ZNF804B: variants seen among roughly 807,000 people sequenced by gnomAD.
ZNF804B encodes zinc finger protein 804B, also known as zinc finger 804B.
Under a neutral mutation model 101.4 loss-of-function variants are expected in ZNF804B, and 80 were observed. The observed-to-expected ratio is 0.79, with a 90% CI of 0.66 to 0.95. The LOEUF (loss-of-function observed/expected upper bound fraction) is 0.95, where lower values mean the gene tolerates loss of function less well. Ranked by LOEUF, ZNF804B falls within the 40% of genes least tolerant of loss-of-function variation. The pLI, the probability that ZNF804B is intolerant of heterozygous loss-of-function variation, is 0.00. For synonymous variants in ZNF804B, 622 were observed against 558.8 expected, an observed-to-expected ratio of 1.11 and a Z score of -1.59; for missense variants, 1,673 against 1,561.9, an observed-to-expected ratio of 1.07 and a Z score of -1.20.
chr7:89,268,340 C>A (rs1157375294), intron 2 of ZNF804B, among the ~76,000 whole-genome samples: 1 of 152,034 alleles, frequency 6.6e-6, no homozygotes, highest in African/African-American at 2.4e-5. Flanking sequence ...TTTAAAACAT[C>A]TAGGGAAGTC....
At position 89,333,526 on chromosome 7, in the gene ZNF804B, C is replaced by A. The variant is rs781202005; in HGVS notation, c.544C>A (p.Arg182=). ...NLPRIISDKQ[R]STMPNRHQLQ... The stretch of plus-strand genomic sequence containing the variant: ...CCCCAGAATCATATCCGATAAACAG[C>A]GGTCCACCATGCCAAATCGACACCA... Residue 182 remains arginine, a synonymous_variant, in exon 4 of 4, where the codon CGG becomes AGG. Coordinates refer to ENST00000333190, the MANE Select transcript of ZNF804B (RefSeq NM_181646.5). The A allele has an allele frequency of 6.2e-7, 1 of 1,613,402 alleles. No homozygotes were observed. Among genetic ancestry groups the A allele is most frequent in the Non-Finnish European group, 8.5e-7 (1 of 1,179,608 alleles).
chr7:89,104,491 T>G (rs909577226), intron 1 of ZNF804B, among the ~76,000 whole-genome samples: 1 of 151,994 alleles, frequency 6.6e-6, no homozygotes, highest in Non-Finnish European at 1.5e-5. Context: ...TTCCAGAAAT[T>G]TATCCATTTT....
At chr7:88,894,935 C>G (rs533797093) in intron 1 of ZNF804B, among the ~76,000 whole-genome samples, 1 of 152,096 alleles carries the variant, frequency 6.6e-6, no homozygotes, top group African/African-American at 2.4e-5. Context: ...TGACCCTATG[C>G]ATTTTTAAAA....
At chr7:88,794,152 G>C in intron 1 of ZNF804B, 1 of 1,551,208 alleles carries the variant, frequency 6.4e-7, no homozygotes, top group African/African-American at 1.4e-5. Flanking sequence ...AACTCCTTAA[G>C]AGACATGGGC....
intron 1 of ZNF804B, among the ~76,000 whole-genome samples, chr7:88,767,222 C>T (rs913702814): frequency 6.6e-6 from 1 of 152,178 alleles, no homozygotes; most frequent in African/African-American, 2.4e-5. Flanking sequence ...AAGTTTCTCC[C>T]CTGTTCACCA....
At chr7:88,897,049 G>A (rs539415650) in intron 1 of ZNF804B, among the ~76,000 whole-genome samples, 1 of 152,156 alleles carries the variant, frequency 6.6e-6, no homozygotes, top group Non-Finnish European at 1.5e-5. Flanking sequence ...CTTATTGCCT[G>A]TTGTTGATAT....
chr7:88,793,078 G>A, intron 1 of ZNF804B, among the ~76,000 whole-genome samples: 1 of 151,450 alleles, frequency 6.6e-6, no homozygotes, highest in South Asian at 2.1e-4. Context: ...AAACTATAAT[G>A]ATAAGTATTT....
At chr7:88,825,031 A>T (rs1449602409) in intron 1 of ZNF804B, among the ~76,000 whole-genome samples, 2 of 152,180 alleles carry the variant, frequency 1.3e-5, no homozygotes, top group East Asian at 3.9e-4. Context: ...AACAAAGTCA[A>T]TGACATATTA....
chr7:89,222,002 G>A (rs1003877141), intron 2 of ZNF804B, among the ~76,000 whole-genome samples: 10 of 151,860 alleles, frequency 6.6e-5, no homozygotes, highest in Admixed American at 3.3e-4. Flanking sequence ...AATTTTATAC[G>A]TAGGACACTT....
intron 1 of ZNF804B, among the ~76,000 whole-genome samples, chr7:88,943,695 C>T (rs1204794792): frequency 1.3e-5 from 2 of 151,840 alleles, no homozygotes; most frequent in East Asian, 3.9e-4. Flanking sequence ...AGATATGCAA[C>T]ATTCTCATTA....
intron 1 of ZNF804B, among the ~76,000 whole-genome samples, chr7:88,810,576 C>A (rs1790769759): frequency 6.6e-6 from 1 of 151,630 alleles, no homozygotes; most frequent in East Asian, 1.9e-4. Context: ...GTGGAAGGAT[C>A]ACCTGAGTCC....
At chr7:89,205,608 G>C (rs1391881686) in intron 1 of ZNF804B, among the ~76,000 whole-genome samples, 1 of 152,188 alleles carries the variant, frequency 6.6e-6, no homozygotes, top group African/African-American at 2.4e-5. Context: ...TTGACCTCAT[G>C]TCTCACATCC....
chr7:89,220,704 G>T (rs942125103), intron 2 of ZNF804B, among the ~76,000 whole-genome samples: 6 of 151,870 alleles, frequency 4.0e-5, no homozygotes, highest in African/African-American at 1.4e-4. Flanking sequence ...ACCAGTTAGT[G>T]CTCTTGTTAC....
intron 1 of ZNF804B, among the ~76,000 whole-genome samples, chr7:89,076,869 G>A (rs542120008): frequency 6.6e-6 from 1 of 152,216 alleles, no homozygotes; most frequent in Admixed American, 6.5e-5. Flanking sequence ...GGAATAGGAG[G>A]GATTTACAAT....
chr7:89,165,588 T>C (rs2116425897), intron 1 of ZNF804B, among the ~76,000 whole-genome samples: 1 of 152,162 alleles, frequency 6.6e-6, no homozygotes, highest in African/African-American at 2.4e-5. Context: ...GGAAGACATA[T>C]GTGCAAACCC....
rs187920178 is a variant in ZNF804B at position 88,826,466 on chromosome 7, G to A, written c.108+66382G>A. Reference sequence around the variant, plus strand: ...GCTTCTCATTTATTGTATACAGTGAGAACAACTATTTTAGTGGCTAGGCAC... The same window carrying A: ...GCTTCTCATTTATTGTATACAGTGAAAACAACTATTTTAGTGGCTAGGCAC... On this transcript the variant is annotated intron_variant, in intron 1 of 3. Transcript: ENST00000333190. Among the ~76,000 whole-genome samples the A allele has an allele frequency of 2.0e-5, 3 of 152,182 alleles. No individual in the cohort carries two copies. The East Asian group carries it at 5.8e-4, about 30-fold the overall frequency.
At position 88,862,065 on chromosome 7, in the gene ZNF804B, C is replaced by A. The variant is rs35352306; in HGVS notation, c.108+101981C>A. 5.2e-3 allele frequency among the ~76,000 whole-genome samples: 786 copies of A among 152,250 alleles called. 4 individuals are homozygous for A. Among genetic ancestry groups the A allele is most frequent in the Non-Finnish European group, 8.5e-3 (576 of 68,008 alleles). ...TATAGTAAACTACCATCTGGCATGG[C>A]TAAGAAATGAGATGTTTTACTAAAT... On this transcript the variant is annotated intron_variant, in intron 1 of 3. Coordinates refer to ENST00000333190, the MANE Select transcript of ZNF804B (RefSeq NM_181646.5).
intron 1 of ZNF804B, among the ~76,000 whole-genome samples, chr7:89,171,319 C>CTTCTTA (rs1791225511): frequency 8.0e-6 from 1 of 124,962 alleles, no homozygotes; most frequent in Non-Finnish European, 1.8e-5. Context: ...TCTTCTTCTT[C>CTTCTTA]TTCTTCTTCT....
At chr7:89,224,232 C>T (rs970073755) in intron 2 of ZNF804B, among the ~76,000 whole-genome samples, 5 of 152,076 alleles carry the variant, frequency 3.3e-5, no homozygotes, top group Middle Eastern at 3.4e-3. Context: ...CCACATGTGA[C>T]GCTTCATCCT....
Sources: allele counts gnomAD v4.1 joint callset (sites outside exome capture counted in the v4.1 genomes callset), GRCh38; gene constraint gnomAD v4.1.1; transcripts MANE v1.5; gene names NCBI Gene and HGNC (gene_info 2026-07-23, HGNC 2026-07-21).